The following ATP5F1A variants were observed in gnomAD, a reference collection of about 807,000 sequenced individuals.
The protein encoded by ATP5F1A is ATP synthase F(1) complex subunit alpha, mitochondrial.
ATP5F1A carries 24 observed loss-of-function variants against 57.4 expected under a neutral mutation model. The ratio of observed to expected loss-of-function variants is 0.42; its 90% CI spans 0.30 to 0.59. ATP5F1A has a LOEUF of 0.59. Ranked by LOEUF, ATP5F1A falls within the 20% of genes least tolerant of loss-of-function variation. The probability of loss-of-function intolerance (pLI) is 0.19; values close to 1 mark genes in which losing one functional copy is unlikely to be tolerated. For missense variants in ATP5F1A, 494 were observed against 707.9 expected (o/e 0.70, Z 3.43); for synonymous variants, 251 against 255.5 (o/e 0.98, Z 0.17).
chr18:46,095,871 A>AAT (rs981595367), intron 1 of ATP5F1A, among the ~76,000 whole-genome samples: 5 of 148,384 alleles, frequency 3.4e-5, no homozygotes, highest in South Asian at 2.1e-4. Context: ...CTGGGCAGTA[A>AAT]ATATATATAT....
Position 46,084,220 on chromosome 18 carries a change from G to C in ATP5F1A, c.*62C>G, listed in dbSNP as rs1329076045. On this transcript the variant is annotated 3_prime_UTR_variant, in exon 12 of 12. Transcript: ENST00000398752. The stretch of plus-strand genomic sequence containing the variant: ...GTATGAGAGTAACCCTTTTACAAAT[G>C]GAACTAATTTACTAGAACAATGACA... 9 of 1,415,446 alleles carry C rather than the reference G, an allele frequency of 6.4e-6. No individual in the cohort carries two copies. In the East Asian group the frequency reaches 1.8e-4, roughly 29 times the overall value. The allele number at this position is 1,415,446 out of a possible 1,614,324, so 87.7% of individuals were successfully genotyped here.
At chr18:46,100,801 G>A (rs1311511839), upstream of ATP5F1A, among the ~76,000 whole-genome samples, 1 of 152,056 alleles carries the variant, frequency 6.6e-6, no homozygotes, top group African/African-American at 2.4e-5. Context: ...AGCCGGGCAC[G>A]GTGGCTCACG....
chr18:46,090,855 C>T (rs1013921304), intron 3 of ATP5F1A, among the ~76,000 whole-genome samples: 3 of 152,180 alleles, frequency 2.0e-5, no homozygotes, highest in Non-Finnish European at 4.4e-5. Flanking sequence ...CTCATCACTG[C>T]AGAATACTAC....
intron 1 of ATP5F1A, among the ~76,000 whole-genome samples, chr18:46,096,499 T>G: frequency 2.6e-5 from 1 of 38,576 alleles, no homozygotes; most frequent in South Asian, 1.1e-3. Flanking sequence ...AAACTCCGTC[T>G]CAAAAAAAAA....
intron 5 of ATP5F1A, 79 bp downstream of exon 5, chr18:46,089,487 T>A: frequency 6.6e-7 from 1 of 1,522,814 alleles, no homozygotes; most frequent in Non-Finnish European, 9.0e-7. Flanking sequence ...CATTACCATT[T>A]ACCATTCCAA....
chr18:46,088,313 G>C, intron 5 of ATP5F1A, 56 bp from the exon 6 acceptor site: 1 of 1,449,454 alleles, frequency 6.9e-7, no homozygotes. Flanking sequence ...ACTTCCCTGT[G>C]GGGGAAAGAA....
intron 1 of ATP5F1A, chr18:46,097,924 G>A: frequency 8.0e-7 from 1 of 1,250,168 alleles, no homozygotes; most frequent in Non-Finnish European, 1.0e-6. Context: ...GCCGAAGACA[G>A]GAATCTTGAG....
Position 46,081,687 on chromosome 18 carries a change from A to AAAAAAAAAAACAAAC in ATP5F1A, c.*2594_*2595insGTTTGTTTTTTTTTT, listed in dbSNP as rs1909759509. 6.7e-6 allele frequency: 1 copy of AAAAAAAAAAACAAAC among 150,192 alleles called. No homozygotes were observed. Among genetic ancestry groups the AAAAAAAAAAACAAAC allele is most frequent in the African/African-American group, 2.4e-5 (1 of 41,008 alleles). The allele number at this position is 150,192 out of a possible 1,614,324, so 9.3% of individuals were successfully genotyped here. A position where few individuals can be genotyped will look rare whatever the true frequency, so the allele number is the denominator to read the frequency against. On this transcript the variant is annotated 3_prime_UTR_variant, in exon 12 of 12. Transcript: ENST00000398752. ...AAAAAAAAAAACAAAAAAAAAAAAA[A>AAAAAAAAAAACAAAC]AAAAAAAAAACGAAATGTGCAGAAC...
chr18:46,088,010 GAAGT>G, intron 6 of ATP5F1A, 95 bp downstream of exon 6: 1 of 1,331,996 alleles, frequency 7.5e-7, no homozygotes, highest in Non-Finnish European at 1.0e-6. Context: ...AGCCCATTAG[GAAGT>G]AATTAAAATA....
chr18:46,091,810 C>T lies in ATP5F1A; in HGVS notation c.181G>A (p.Gly61Arg), dbSNP rs1568250407. ...TCAAGATCAACAGAGGTATCAGCTC[C>T]AAGAATACGCTCTTCAAGAATAGAG... ...MSSILEERIL[G>R]ADTSVDLEET... is the part of the protein sequence containing the mutation. The change falls in exon 3 of 12, where the codon GGA becomes AGA. Residue 61 changes from glycine (G) to arginine (R), a missense_variant. Physicochemically the swap from Gly to Arg is moderately radical, Grantham distance 125 (BLOSUM62 -2). This residue lies in a region of ATP5F1A where 142 missense variants were observed against 137.5 expected (regional missense o/e 1.03). Transcript: ENST00000398752. 2 of 1,613,714 alleles carry T rather than the reference C, an allele frequency of 1.2e-6. No homozygotes were observed. Among genetic ancestry groups the T allele is most frequent in the Non-Finnish European group, 8.5e-7 (1 of 1,179,936 alleles).
In ATP5F1A at chr18:46,087,474, A is replaced by G. The variant is rs1480623165; in HGVS notation, c.818T>C (p.Ile273Thr). 1.9e-6 allele frequency: 3 copies of G among 1,613,980 alleles called. No individual in the cohort carries two copies. Among genetic ancestry groups the G allele is most frequent in the East Asian group, 2.2e-5 (1 of 44,900 alleles). ...LTDADAMKYT[I>T]VVSATASDAA... ...ATCCGAGGCCGTAGCCGACACCACA[A>G]TGGTGTACTTCATGGCATCTGAGAA... The change falls in exon 7 of 12, where the codon ATT becomes ACT. Residue 273 changes from isoleucine to threonine, a missense_variant. This residue lies in a region of ATP5F1A where 191 missense variants were observed against 267.7 expected (regional missense o/e 0.71). Transcript: ENST00000398752.
upstream of ATP5F1A, among the ~76,000 whole-genome samples, chr18:46,100,918 C>G (rs1379938621): frequency 1.3e-5 from 2 of 151,938 alleles, no homozygotes; most frequent in Non-Finnish European, 2.9e-5. Context: ...GCTAAAAATA[C>G]AAAAATTGGC....
chr18:46,093,979 C>T (rs1910751803), intron 2 of ATP5F1A, among the ~76,000 whole-genome samples: 1 of 150,974 alleles, frequency 6.6e-6, no homozygotes, highest in Non-Finnish European at 1.5e-5. Context: ...TGGTGGTGGG[C>T]ACCTGTAATC....
In ATP5F1A at chr18:46,086,077, T is replaced by C. The variant is rs148215211; in HGVS notation, c.1429+36A>G. ...GGCCTGGGAAGACCCTGATACACAA[T>C]AGGAACCTGACCAAATGAAGAAAAG... On this transcript the variant is annotated intron_variant, in intron 10 of 11. Transcript: ENST00000398752. 193 of 1,604,608 alleles carry C rather than the reference T, an allele frequency of 1.2e-4. No individual in the cohort carries two copies. In the African/African-American group the frequency reaches 2.1e-3, roughly 18 times the overall value.
Position 46,081,660 on chromosome 18 carries a change from C to CAAAAAAAAA in ATP5F1A, c.*2613_*2621dup, listed in dbSNP as rs34716753. On this transcript the variant is annotated 3_prime_UTR_variant, in exon 12 of 12. Transcript: ENST00000398752. ...GCCTGGGCAACAAGAGCAAAACTCT[C>CAAAAAAAAA]AAAAAAAAAAAACAAAAAAAAAAAA... 1.4e-5 allele frequency: 1 copy of CAAAAAAAAA among 73,974 alleles called. No individual in the cohort carries two copies. Among genetic ancestry groups the CAAAAAAAAA allele is most frequent in the East Asian group, 4.7e-4 (1 of 2,144 alleles). The allele number at this position is 73,974 out of a possible 1,614,324, so 4.6% of individuals were successfully genotyped here.
At chr18:46,092,946 G>C (rs1049144884) in intron 2 of ATP5F1A, among the ~76,000 whole-genome samples, 1 of 151,832 alleles carries the variant, frequency 6.6e-6, no homozygotes, top group African/African-American at 2.4e-5. Flanking sequence ...CCAGGAGTTC[G>C]AGACCAGCCT....
At chr18:46,092,452 T>TA (rs1020728545) in intron 2 of ATP5F1A, among the ~76,000 whole-genome samples, 24 of 143,210 alleles carry the variant, frequency 1.7e-4, no homozygotes, top group Admixed American at 3.5e-4. Flanking sequence ...CCACTAAAAA[T>TA]AAAAAAAAAA....
In ATP5F1A at chr18:46,095,038, G is replaced by T. The variant is rs758624976; in HGVS notation, c.139+15C>A. On this transcript the variant is annotated intron_variant, in intron 2 of 11. Transcript: ENST00000398752. ...ATCTAGTAAGTGCGGCGTAGACTGA[G>T]AAATAATAACTTACCAGTCTTTTGA... 1.9e-6 allele frequency: 3 copies of T among 1,606,574 alleles called. No homozygotes were observed. Among genetic ancestry groups the T allele is most frequent in the Non-Finnish European group, 1.7e-6 (2 of 1,176,504 alleles).
In ATP5F1A at chr18:46,091,858, A is replaced by C. The variant is rs1490170395; in HGVS notation, c.140-7T>G. ...GAGGACATCTCAGCAGTCCCTATGG[A>C]AGACAATTCAATTCAATTAAAAAAA... On this transcript the variant is annotated splice_region_variant and splice_polypyrimidine_tract_variant and intron_variant, in intron 2 of 11. Coordinates refer to ENST00000398752, the MANE Select transcript of ATP5F1A (RefSeq NM_004046.6). 6.2e-7 allele frequency: 1 copy of C among 1,604,534 alleles called. No individual in the cohort carries two copies.
Sources: gnomAD v4.1 joint callset for allele counts (sites outside exome capture counted in the v4.1 genomes callset) on GRCh38, gnomAD v4.1.1 for gene constraint, gnomAD v4.1.1 regional missense constraint, MANE v1.5 for transcripts, NCBI Gene and HGNC (gene_info 2026-07-23, HGNC 2026-07-21) for gene names.